SPAG16: variants seen among roughly 807,000 people sequenced by gnomAD.
The protein encoded by SPAG16 is sperm associated antigen 16, also known as sperm-associated antigen 16 protein.
In SPAG16, 86 loss-of-function variants were observed where a neutral mutation model predicts 80.4. The observed-to-expected ratio is 1.07, with a 90% CI of 0.90 to 1.28. The LOEUF (loss-of-function observed/expected upper bound fraction) is 1.28, where lower values mean the gene tolerates loss of function less well. Ranked by LOEUF, SPAG16 falls within the 50% of genes most tolerant of loss-of-function variation. The pLI, the probability that SPAG16 is intolerant of heterozygous loss-of-function variation, is 0.00. For synonymous variants in SPAG16, 294 were observed against 265.9 expected (o/e 1.11, Z -1.03); for missense variants, 870 against 765.3 (o/e 1.14, Z -1.61).
At chr2:213,806,128 A>G (rs1191552197) in intron 10 of SPAG16, among the ~76,000 whole-genome samples, 14 of 152,196 alleles carry the variant, frequency 9.2e-5, no homozygotes, top group Admixed American at 9.2e-4. Context: ...CAGCACACAC[A>G]TATCAATGTT....
At chr2:214,278,699 A>G (rs1692664370) in intron 15 of SPAG16, among the ~76,000 whole-genome samples, 1 of 152,352 alleles carries the variant, frequency 6.6e-6, no homozygotes, top group African/African-American at 2.4e-5. Flanking sequence ...TCATCTTTCA[A>G]TTATTCCCTT....
chr2:213,658,335 T>C (rs1367610253), intron 10 of SPAG16, among the ~76,000 whole-genome samples: 3 of 152,144 alleles, frequency 2.0e-5, no homozygotes. Flanking sequence ...CTAGCCCCTC[T>C]TTCCCCAACT....
At chr2:214,397,724 CAAATT>C (rs1418522746) in intron 15 of SPAG16, among the ~76,000 whole-genome samples, 3 of 152,114 alleles carry the variant, frequency 2.0e-5, no homozygotes, top group African/African-American at 4.8e-5. Flanking sequence ...GATAGATAGT[CAAATT>C]AAAGACAATA....
intron 9 of SPAG16, among the ~76,000 whole-genome samples, chr2:213,431,891 A>G (rs150597163): frequency 1.4e-4 from 22 of 151,968 alleles, no homozygotes; most frequent in African/African-American, 5.1e-4. Flanking sequence ...TAGTAACTTT[A>G]TCAAGTGTCT....
At chr2:214,000,213 A>G (rs564485881) in intron 12 of SPAG16, among the ~76,000 whole-genome samples, 58 of 152,208 alleles carry the variant, frequency 3.8e-4, no homozygotes, top group African/African-American at 1.3e-3. Context: ...TGTGGGTGGG[A>G]CCCAGTGGGA....
intron 10 of SPAG16, among the ~76,000 whole-genome samples, chr2:213,725,110 C>T (rs1046686661): frequency 6.6e-6 from 1 of 151,894 alleles, no homozygotes; most frequent in Non-Finnish European, 1.5e-5. Context: ...TGGCTCACTG[C>T]AGTCTCAAAC....
intron 15 of SPAG16, among the ~76,000 whole-genome samples, chr2:214,211,212 G>C (rs534700314): frequency 9.8e-4 from 149 of 152,220 alleles, no homozygotes; most frequent in African/African-American, 3.4e-3. Context: ...AGTTCATGTT[G>C]GCTGCATATT....
chr2:213,509,353 G>A (rs1223569618), intron 10 of SPAG16, among the ~76,000 whole-genome samples: 2 of 152,120 alleles, frequency 1.3e-5, no homozygotes, highest in Non-Finnish European at 2.9e-5. Flanking sequence ...TTTCATAAAT[G>A]TCTCTGAGAG....
At chr2:214,173,934 TA>T (rs1449383554) in intron 15 of SPAG16, among the ~76,000 whole-genome samples, 3 of 151,252 alleles carry the variant, frequency 2.0e-5, no homozygotes, top group Non-Finnish European at 4.4e-5. Context: ...TGCAAATCAA[TA>T]AATGTAATCC....
At chr2:214,096,287 A>C (rs1034238391) in intron 13 of SPAG16, among the ~76,000 whole-genome samples, 1 of 151,836 alleles carries the variant, frequency 6.6e-6, no homozygotes, top group Non-Finnish European at 1.5e-5. Flanking sequence ...TGCAAAAAAA[A>C]AATGTAGAAT....
At chr2:213,899,923 A>G (rs1180287021) in intron 11 of SPAG16, among the ~76,000 whole-genome samples, 1 of 152,150 alleles carries the variant, frequency 6.6e-6, no homozygotes, top group East Asian at 1.9e-4. Context: ...GTGAAAAACA[A>G]TTCTCTTCAC....
At chr2:213,668,069 T>C (rs1162968214) in intron 10 of SPAG16, among the ~76,000 whole-genome samples, 2 of 152,062 alleles carry the variant, frequency 1.3e-5, no homozygotes, top group East Asian at 1.9e-4. Context: ...GCCTCTTGAA[T>C]AGCTGGGATT....
intron 9 of SPAG16, among the ~76,000 whole-genome samples, chr2:213,416,382 C>T (rs1477091541): frequency 6.6e-6 from 1 of 152,100 alleles, no homozygotes; most frequent in Non-Finnish European, 1.5e-5. Context: ...CAGTCATAAA[C>T]CTACTTTTAG....
intron 15 of SPAG16, among the ~76,000 whole-genome samples, chr2:214,214,120 A>G (rs1326986740): frequency 1.3e-5 from 2 of 151,680 alleles, no homozygotes; most frequent in African/African-American, 2.4e-5. Context: ...GCTTTCTTAT[A>G]TCTCCATGTC....
intron 12 of SPAG16, among the ~76,000 whole-genome samples, chr2:213,968,534 A>G (rs2044842040): frequency 6.6e-6 from 1 of 152,200 alleles, no homozygotes; most frequent in African/African-American, 2.4e-5. Flanking sequence ...GCTTCTGCTG[A>G]TGGAATGAAG....
chr2:213,402,727 T>A (rs2068388492), intron 9 of SPAG16, among the ~76,000 whole-genome samples: 1 of 152,208 alleles, frequency 6.6e-6, no homozygotes. Context: ...GTTTCCAGTT[T>A]CATCCATGTC....
intron 15 of SPAG16, among the ~76,000 whole-genome samples, chr2:214,191,786 C>G (rs1576460551): frequency 6.9e-6 from 1 of 145,968 alleles, no homozygotes; most frequent in Non-Finnish European, 1.5e-5. Flanking sequence ...AAAGAGTTCA[C>G]ATAGAATTTG....
intron 10 of SPAG16, among the ~76,000 whole-genome samples, chr2:213,800,690 A>C (rs2071340731): frequency 6.6e-6 from 1 of 152,206 alleles, no homozygotes; most frequent in African/African-American, 2.4e-5. Flanking sequence ...TAAATAATAA[A>C]AATAGTCTTG....
intron 10 of SPAG16, among the ~76,000 whole-genome samples, chr2:213,713,009 G>A (rs2066069181): frequency 6.6e-6 from 1 of 152,032 alleles, no homozygotes; most frequent in South Asian, 2.1e-4. Context: ...AATCATGGCA[G>A]AAGGCATCTC....
Sources: allele counts gnomAD v4.1 joint callset (sites outside exome capture counted in the v4.1 genomes callset), GRCh38; gene constraint gnomAD v4.1.1; transcripts MANE v1.5; gene names NCBI Gene and HGNC (gene_info 2026-07-23, HGNC 2026-07-21).